Variants in CADPS observed in about 807,000 individuals in gnomAD.
CADPS encodes calcium dependent secretion activator.
CADPS carries 57 observed loss-of-function variants against 167.3 expected under a neutral mutation model. That is an observed-to-expected ratio of 0.34 (90% confidence interval 0.28 to 0.42). The LOEUF (loss-of-function observed/expected upper bound fraction) is 0.42. Ranked by LOEUF, CADPS falls within the 20% of genes least tolerant of loss-of-function variation. CADPS has a pLI of 1.00. For synonymous variants in CADPS, 676 were observed against 635.3 expected (o/e 1.06, Z -0.96); for missense variants, 1,414 against 1,738.1 (o/e 0.81, Z 3.32).
intron 3 of CADPS, among the ~76,000 whole-genome samples, chr3:62,666,720 T>C (rs1197423576): frequency 6.6e-6 from 1 of 152,204 alleles, no homozygotes; most frequent in Non-Finnish European, 1.5e-5. Context: ...TGTGTAAGTG[T>C]AGACAGGTAT....
intron 1 of CADPS, among the ~76,000 whole-genome samples, chr3:62,867,122 T>C (rs182331000): frequency 6.6e-6 from 1 of 152,206 alleles, no homozygotes; most frequent in East Asian, 1.9e-4. Flanking sequence ...TAACAATCAA[T>C]ATGGTAATAG....
At chr3:62,846,259 G>A (rs550684385) in intron 1 of CADPS, among the ~76,000 whole-genome samples, 7 of 152,224 alleles carry the variant, frequency 4.6e-5, no homozygotes, top group South Asian at 2.1e-4. Context: ...GTGTGAGAAC[G>A]GACTAATACA....
intron 6 of CADPS, among the ~76,000 whole-genome samples, chr3:62,632,446 T>C (rs933508063): frequency 2.0e-5 from 3 of 152,214 alleles, no homozygotes; most frequent in Non-Finnish European, 4.4e-5. Context: ...GCACAAAGTA[T>C]GCATTTTTCC....
chr3:62,415,252 A>G (rs1313761940), intron 28 of CADPS, among the ~76,000 whole-genome samples: 3 of 152,170 alleles, frequency 2.0e-5, no homozygotes, highest in Non-Finnish European at 2.9e-5. Flanking sequence ...CATTTTATCA[A>G]AAAACGGCGC....
intron 1 of CADPS, among the ~76,000 whole-genome samples, chr3:62,868,043 T>C (rs2082023940): frequency 6.6e-6 from 1 of 152,084 alleles, no homozygotes; most frequent in Non-Finnish European, 1.5e-5. Context: ...CTAGACTCAA[T>C]GCATTGGCTG....
chr3:62,850,664 T>TA lies in CADPS; in HGVS notation c.441+23924dup, dbSNP rs568589636. ...TAGTTTGTTATAATTTCTGTTCTTT[T>TA]ACATTTGCTGAGGAGAGTTTAACTT... On this transcript the variant is annotated intron_variant, in intron 1 of 29. Transcript: ENST00000383710. 5.3e-4 allele frequency among the ~76,000 whole-genome samples: 80 copies of TA among 151,846 alleles called. 1 individual carries two copies. In the East Asian group the frequency reaches 0.014, roughly 27 times the overall value.
intron 28 of CADPS, among the ~76,000 whole-genome samples, chr3:62,409,081 T>C (rs2048451959): frequency 6.6e-6 from 1 of 152,226 alleles, no homozygotes; most frequent in Admixed American, 6.5e-5. Context: ...AGTTTAATCA[T>C]TGACTTGAAC....
At chr3:62,624,065 T>C (rs935279047) in intron 6 of CADPS, among the ~76,000 whole-genome samples, 1 of 152,084 alleles carries the variant, frequency 6.6e-6, no homozygotes, top group African/African-American at 2.4e-5. Flanking sequence ...CGTTTTAAAG[T>C]CCAGAGATGC....
At chr3:62,835,708 G>A (rs1415542089) in intron 1 of CADPS, among the ~76,000 whole-genome samples, 1 of 152,140 alleles carries the variant, frequency 6.6e-6, no homozygotes, top group African/African-American at 2.4e-5. Context: ...CCAGGAAAAA[G>A]TGTCAGACAT....
chr3:62,409,334 T>C (rs2048503954), intron 28 of CADPS, among the ~76,000 whole-genome samples: 2 of 152,364 alleles, frequency 1.3e-5, no homozygotes, highest in South Asian at 2.1e-4. Flanking sequence ...TCATTCAGCT[T>C]TGAAGTTCTC....
At chr3:62,730,627 C>T (rs573009) in intron 3 of CADPS, among the ~76,000 whole-genome samples, 48,929 of 152,066 alleles carry the variant, frequency 0.32, 8,606 homozygotes, top group African/African-American at 0.46. Flanking sequence ...CTGCAGGCCA[C>T]TCCTTCAAAG....
At chr3:62,642,566 AG>A (rs2067638302) in intron 6 of CADPS, among the ~76,000 whole-genome samples, 1 of 152,186 alleles carries the variant, frequency 6.6e-6, no homozygotes, top group East Asian at 1.9e-4. Flanking sequence ...CTAGGGAGGC[AG>A]GAAGAAAATG....
At chr3:62,725,092 C>T (rs2076493495) in intron 3 of CADPS, among the ~76,000 whole-genome samples, 1 of 152,210 alleles carries the variant, frequency 6.6e-6, no homozygotes, top group African/African-American at 2.4e-5. Context: ...TTCTGGACTA[C>T]CAGCCTCGGA....
intron 21 of CADPS, among the ~76,000 whole-genome samples, chr3:62,487,788 A>G (rs762731340): frequency 2.2e-4 from 34 of 152,182 alleles, no homozygotes; most frequent in Admixed American, 4.6e-4. Flanking sequence ...CTAAATGATG[A>G]TATCTATTTT....
At chr3:62,479,327 A>G (rs1275554823) in intron 22 of CADPS, among the ~76,000 whole-genome samples, 1 of 152,136 alleles carries the variant, frequency 6.6e-6, no homozygotes, top group Non-Finnish European at 1.5e-5. Flanking sequence ...TCTTTTTTGT[A>G]ACAATCCCAT....
At chr3:62,750,353 CAAAA>C (rs56069272) in intron 3 of CADPS, among the ~76,000 whole-genome samples, 4 of 44,898 alleles carry the variant, frequency 8.9e-5, no homozygotes, top group South Asian at 1.5e-3. Context: ...TCTTAAGCTC[CAAAA>C]AAAAAAAAAA....
At chr3:62,609,630 A>G (rs1279837569) in intron 6 of CADPS, among the ~76,000 whole-genome samples, 1 of 152,236 alleles carries the variant, frequency 6.6e-6, no homozygotes, top group Admixed American at 6.5e-5. Context: ...TCTGTACAAT[A>G]GGAATAAGCA....
chr3:62,837,173 A>G (rs76798022), intron 1 of CADPS, among the ~76,000 whole-genome samples: 2,212 of 152,304 alleles, frequency 0.015, 33 homozygotes, highest in East Asian at 0.068. Flanking sequence ...TCCTTACACT[A>G]ACTTTTGTTA....
At chr3:62,547,074 T>G (rs2076562670) in intron 11 of CADPS, among the ~76,000 whole-genome samples, 1 of 152,226 alleles carries the variant, frequency 6.6e-6, no homozygotes, top group Non-Finnish European at 1.5e-5. Context: ...TGATGGCTTG[T>G]AAATTATAGG....
Sources: allele counts gnomAD v4.1 joint callset (sites outside exome capture counted in the v4.1 genomes callset), GRCh38; gene constraint gnomAD v4.1.1; transcripts MANE v1.5; gene names NCBI Gene and HGNC (gene_info 2026-07-23, HGNC 2026-07-21).